The following GRID1 variants were observed in gnomAD, a reference collection of about 807,000 sequenced individuals.
GRID1 encodes the protein glutamate ionotropic receptor delta type subunit 1, also known as glutamate receptor ionotropic, delta-1.
In GRID1, 28 loss-of-function variants were observed where a neutral mutation model predicts 98.0. The observed-to-expected ratio is 0.29, with a 90% confidence interval of 0.21 to 0.39. The LOEUF (loss-of-function observed/expected upper bound fraction) is 0.39. Ranked by LOEUF, GRID1 falls within the 10% of genes least tolerant of loss-of-function variation. The pLI is 1.00. For missense variants in GRID1, 1,111 were observed against 1,340.5 expected (o/e 0.83, Z 2.67); for synonymous variants, 553 against 538.5 (o/e 1.03, Z -0.37).
At chr10:85,775,067 G>C (rs1590226562) in intron 8 of GRID1, among the ~76,000 whole-genome samples, 1 of 152,102 alleles carries the variant, frequency 6.6e-6, no homozygotes, top group Non-Finnish European at 1.5e-5. Flanking sequence ...CAAAGACTTG[G>C]AACCAACCCA....
chr10:86,335,460 T>C (rs1327007548), intron 2 of GRID1, among the ~76,000 whole-genome samples: 1 of 152,240 alleles, frequency 6.6e-6, no homozygotes, highest in Non-Finnish European at 1.5e-5. Context: ...TTAAATATGC[T>C]GATGTATGTG....
chr10:86,211,391 T>C (rs981429207), intron 2 of GRID1, among the ~76,000 whole-genome samples: 20 of 152,126 alleles, frequency 1.3e-4, no homozygotes, highest in African/African-American at 4.8e-4. Context: ...AAAGACAAAC[T>C]GTAATGAGCG....
At chr10:85,662,139 A>G (rs1010476469) in intron 12 of GRID1, among the ~76,000 whole-genome samples, 3 of 152,190 alleles carry the variant, frequency 2.0e-5, no homozygotes, top group Admixed American at 2.0e-4. Flanking sequence ...CCCAAGAGTC[A>G]CTCAGCAGAT....
intron 4 of GRID1, among the ~76,000 whole-genome samples, chr10:86,111,644 A>T (rs577016917): frequency 6.6e-6 from 1 of 152,358 alleles, no homozygotes; most frequent in African/African-American, 2.4e-5. Flanking sequence ...AACCCAAGCT[A>T]CATTCAACTG....
At chr10:86,253,097 AC>A (rs1846862757) in intron 2 of GRID1, among the ~76,000 whole-genome samples, 1 of 152,274 alleles carries the variant, frequency 6.6e-6, no homozygotes. Flanking sequence ...CTCTGAGGTT[AC>A]AATGAAATCC....
At chr10:86,263,645 C>A (rs773368952) in intron 2 of GRID1, among the ~76,000 whole-genome samples, 6 of 152,210 alleles carry the variant, frequency 3.9e-5, no homozygotes, top group Non-Finnish European at 8.8e-5. Flanking sequence ...ACCTCTGATG[C>A]CTGTTTCCCC....
chr10:86,360,721 C>T (rs1413247558), intron 2 of GRID1, among the ~76,000 whole-genome samples: 1 of 152,238 alleles, frequency 6.6e-6, no homozygotes, highest in Non-Finnish European at 1.5e-5. Context: ...CATGTCTCAT[C>T]TCATTTAATC....
chr10:85,868,678 C>G (rs1215041483), intron 6 of GRID1, among the ~76,000 whole-genome samples: 1 of 152,178 alleles, frequency 6.6e-6, no homozygotes, highest in African/African-American at 2.4e-5. Context: ...AAAGAAGACT[C>G]CACCCCCAGC....
At chr10:85,741,732 G>C (rs918112804) in intron 8 of GRID1, among the ~76,000 whole-genome samples, 7 of 151,584 alleles carry the variant, frequency 4.6e-5, no homozygotes, top group African/African-American at 1.5e-4. Flanking sequence ...ACTACAGTTG[G>C]GTCCTCCTTT....
At chr10:85,771,369 T>G (rs1163656650) in intron 8 of GRID1, among the ~76,000 whole-genome samples, 1 of 152,172 alleles carries the variant, frequency 6.6e-6, no homozygotes, top group Non-Finnish European at 1.5e-5. Context: ...TGCAAAATCA[T>G]GCCAAATTGT....
At chr10:86,189,589 C>T (rs1845773127) in intron 3 of GRID1, among the ~76,000 whole-genome samples, 1 of 152,090 alleles carries the variant, frequency 6.6e-6, no homozygotes, top group Admixed American at 6.5e-5. Flanking sequence ...TTTATAGATC[C>T]CTGACCATGA....
intron 2 of GRID1, among the ~76,000 whole-genome samples, chr10:86,329,235 T>C (rs765262640): frequency 3.9e-5 from 6 of 152,230 alleles, no homozygotes; most frequent in Non-Finnish European, 8.8e-5. Flanking sequence ...ACCACAGACA[T>C]GCATGCTGCC....
intron 4 of GRID1, among the ~76,000 whole-genome samples, chr10:85,970,471 C>T (rs1032896329): frequency 6.6e-6 from 1 of 151,970 alleles, no homozygotes; most frequent in African/African-American, 2.4e-5. Context: ...TTATACATGA[C>T]CGTCAAGTGA....
intron 4 of GRID1, among the ~76,000 whole-genome samples, chr10:86,083,454 C>T (rs1378510000): frequency 1.3e-5 from 2 of 152,224 alleles, no homozygotes; most frequent in African/African-American, 4.8e-5. Context: ...GTCTCAACCG[C>T]AGCCAGTGAA....
rs545357840 is a variant in GRID1, at chr10:85,800,645, A to T, written c.1233+53851T>A. On this transcript the variant is annotated intron_variant, in intron 8 of 15. Coordinates refer to ENST00000327946, the MANE Select transcript of GRID1 (RefSeq NM_017551.3). ...AAGCAAAACCTAAGAATCTATAAAG[A>T]GAGTAACATTAATTTCAAAAATATA... is the stretch of plus-strand genomic sequence containing the variant. Among the ~76,000 whole-genome samples, 6 of 152,194 alleles carry T rather than the reference A, an allele frequency of 3.9e-5. No individual in the cohort carries two copies. The East Asian group carries it at 1.2e-3, about 29-fold the overall frequency.
At chr10:86,345,741 C>A (rs969031432) in intron 2 of GRID1, among the ~76,000 whole-genome samples, 2 of 152,170 alleles carry the variant, frequency 1.3e-5, no homozygotes, top group Non-Finnish European at 2.9e-5. Flanking sequence ...CAGTGGCCCA[C>A]ATCCTAGATC....
At chr10:86,276,273 AC>A (rs1355937715) in intron 2 of GRID1, among the ~76,000 whole-genome samples, 16 of 152,302 alleles carry the variant, frequency 1.1e-4, no homozygotes, top group African/African-American at 3.8e-4. Flanking sequence ...GTCTCTTCAC[AC>A]AATCTTCCCT....
intron 4 of GRID1, among the ~76,000 whole-genome samples, chr10:85,971,455 G>T (rs370907819): frequency 1.1e-4 from 16 of 151,876 alleles, no homozygotes; most frequent in African/African-American, 3.9e-4. Flanking sequence ...CCCATATTCA[G>T]CATTTTTAGT....
chr10:85,851,836 G>A (rs1464501466), intron 8 of GRID1, among the ~76,000 whole-genome samples: 1 of 152,008 alleles, frequency 6.6e-6, no homozygotes, highest in Non-Finnish European at 1.5e-5. Flanking sequence ...ACTGATCTTG[G>A]CACTGTTTTG....
Sources: gnomAD v4.1 joint callset for allele counts (sites outside exome capture counted in the v4.1 genomes callset) on GRCh38, gnomAD v4.1.1 for gene constraint, MANE v1.5 for transcripts, NCBI Gene and HGNC (gene_info 2026-07-23, HGNC 2026-07-21) for gene names.